Variants in DOCK9 observed in about 807,000 individuals in gnomAD.
DOCK9 encodes dedicator of cytokinesis protein 9.
A neutral mutation model predicts 263.3 loss-of-function variants in DOCK9; 89 were observed. The ratio of observed to expected loss-of-function variants is 0.34; its 90% CI spans 0.28 to 0.40. The LOEUF is 0.40. Ranked by LOEUF, DOCK9 falls within the 10% of genes least tolerant of loss-of-function variation. The pLI is 1.00. For missense variants in DOCK9, 2,140 were observed against 2,603.4 expected, an observed-to-expected ratio of 0.82 and a Z score of 3.87; for synonymous variants, 976 against 973.1, an observed-to-expected ratio of 1.00 and a Z score of -0.06.
chr13:98,831,762 G>A lies in DOCK9; in HGVS notation c.4339C>T (p.His1447Tyr), dbSNP rs754431933. The A allele has an allele frequency of 3.1e-6, 5 of 1,613,988 alleles. No homozygotes were observed. In the East Asian group the frequency reaches 8.9e-5, roughly 29 times the overall value. ...FKNQLLADHG[H>Y]NPLMKKVFDV... ...AAAACTTTTTTCATGAGAGGATTAT[G>A]TCCATGGTCGGCCAGGAGCTGGTTC... The change falls in exon 40 of 53, where the codon CAT (histidine) becomes TAT (tyrosine). Residue 1447 changes from histidine (H) to tyrosine (Y), a missense_variant. His to Tyr is a moderately conservative substitution (Grantham distance 83). Around this residue, in one of 2 missense-constraint regions of DOCK9, gnomAD observed 619 missense variants for 861.8 expected, o/e 0.72. Transcript: ENST00000682017.
intron 15 of DOCK9, among the ~76,000 whole-genome samples, chr13:98,895,271 A>G (rs1435111712): frequency 6.6e-6 from 1 of 152,168 alleles, no homozygotes; most frequent in Non-Finnish European, 1.5e-5. Context: ...ACACTTTCAG[A>G]AAATACTTGA....
rs142464481 is a variant in DOCK9 at position 99,075,355 on chromosome 13, C to CTTTT, written c.129+10864_129+10867dup. ...TGTTGTTCAAAGGTCAGCTGTAGTA[C>CTTTT]TTTTTTTTTTTTTTTTTTTGAGACA... On this transcript the variant is annotated intron_variant, in intron 1 of 32. Transcript: ENST00000427887. 1.8e-3 allele frequency among the ~76,000 whole-genome samples: 220 copies of CTTTT among 121,964 alleles called. 6 individuals are homozygous for CTTTT. Among genetic ancestry groups the CTTTT allele is most frequent in the East Asian group, 0.015 (60 of 4,104 alleles). 80.0% of individuals were successfully genotyped at this position (121,964 alleles called of 152,430 possible).
chr13:98,853,639 G>A (rs187093471), intron 34 of DOCK9, 117 bp from the exon 35 acceptor site: 1 of 751,468 alleles, frequency 1.3e-6, no homozygotes, highest in African/African-American at 1.8e-5. Flanking sequence ...ACATTGGAAG[G>A]TGCAAGTAAC....
intron 1 of DOCK9, among the ~76,000 whole-genome samples, chr13:99,060,635 G>T (rs2041146863): frequency 6.6e-6 from 1 of 152,266 alleles, no homozygotes; most frequent in South Asian, 2.1e-4. Flanking sequence ...AACAATAACA[G>T]ACATGGTATC....
chr13:99,033,438 T>C (rs1290825719), intron 1 of DOCK9, among the ~76,000 whole-genome samples: 5 of 152,234 alleles, frequency 3.3e-5, no homozygotes, highest in Admixed American at 1.3e-4. Flanking sequence ...TGAGCGGGAA[T>C]GCCCGTGGGT....
chr13:98,797,684 A>G (rs2089599757), intron 50 of DOCK9, among the ~76,000 whole-genome samples, 195 bp from the exon 51 acceptor site: 1 of 152,236 alleles, frequency 6.6e-6, no homozygotes, highest in Admixed American at 6.5e-5. Flanking sequence ...GATCTCAGCC[A>G]TCTTCAGGGC....
intron 1 of DOCK9, among the ~76,000 whole-genome samples, chr13:99,024,311 A>G (rs1379649150): frequency 6.6e-6 from 1 of 152,244 alleles, no homozygotes; most frequent in African/African-American, 2.4e-5. Flanking sequence ...TCAATGGCAT[A>G]ATGAAGTCAG....
chr13:98,917,695 G>GTTTGC, intron 7 of DOCK9, among the ~76,000 whole-genome samples: 1 of 124,470 alleles, frequency 8.0e-6, no homozygotes, highest in Non-Finnish European at 1.7e-5. Flanking sequence ...TATTTTGTTT[G>GTTTGC]TTTGCTTTTT....
At chr13:98,799,235 T>C (rs2089816365) in intron 50 of DOCK9, among the ~76,000 whole-genome samples, 1 of 152,206 alleles carries the variant, frequency 6.6e-6, no homozygotes, top group Admixed American at 6.5e-5. Flanking sequence ...AAAATATAAT[T>C]TCAGAAAATG....
chr13:99,042,036 C>T (rs1888509372), intron 1 of DOCK9, among the ~76,000 whole-genome samples: 1 of 152,154 alleles, frequency 6.6e-6, no homozygotes, highest in Non-Finnish European at 1.5e-5. Flanking sequence ...TAATTTGTTA[C>T]GGCAACCCTA....
At position 98,794,354 on chromosome 13, in the gene DOCK9, T is replaced by A; in HGVS notation, c.*272A>T. 2.2e-6 allele frequency: 1 copy of A among 449,268 alleles called. No individual in the cohort carries two copies. Among genetic ancestry groups the A allele is most frequent in the Non-Finnish European group, 3.9e-6 (1 of 256,830 alleles). 27.8% of individuals were successfully genotyped at this position (449,268 alleles called of 1,614,324 possible). ...TCTAACACTACTCTGCAAGGAAGAA[T>A]AAAATCTAAGTCCAGCTCAAGAGTG... On this transcript the variant is annotated 3_prime_UTR_variant, in exon 53 of 53. Transcript: ENST00000682017.
At chr13:98,821,238 T>C (rs1357364800) in intron 45 of DOCK9, among the ~76,000 whole-genome samples, 1 of 152,080 alleles carries the variant, frequency 6.6e-6, no homozygotes, top group African/African-American at 2.4e-5. Context: ...TGGCCAAGGA[T>C]AGGCCCCAGT....
At chr13:98,950,344 A>T (rs1270139604) in intron 2 of DOCK9, 3 of 901,992 alleles carry the variant, frequency 3.3e-6, no homozygotes, top group Non-Finnish European at 5.2e-6. Context: ...CTTCTTTGCT[A>T]AAAGTGCCTG....
chr13:99,078,102 C>T (rs2041983286), intron 1 of DOCK9, among the ~76,000 whole-genome samples: 1 of 152,056 alleles, frequency 6.6e-6, no homozygotes, highest in African/African-American at 2.4e-5. Flanking sequence ...TGAAAAGTGG[C>T]AATTTATGTT....
In DOCK9 at chr13:98,863,102, G is replaced by A. The variant is rs1350145677; in HGVS notation, c.3496C>T (p.Leu1166=). 6.2e-7 allele frequency: 1 copy of A among 1,609,980 alleles called. No individual in the cohort carries two copies. The highest frequency in any genetic ancestry group is 8.5e-7 in the Non-Finnish European group (1 of 1,178,252). The stretch of plus-strand genomic sequence containing the variant: ...TCAATCAGCAGACCAAACAGAGGCA[G>A]GTAGAGGGTGGCTATCCTTGCCTGA... ...SHQARIATLY[L]PLFGLLIENV... is the part of the protein sequence containing the mutation. Residue 1166 remains leucine (L), a synonymous_variant, in exon 32 of 53, where the codon CTG becomes TTG. Coordinates refer to ENST00000682017, the MANE Select transcript of DOCK9 (RefSeq NM_001366683.2).
chr13:98,870,856 T>A (rs1290510708), intron 27 of DOCK9, among the ~76,000 whole-genome samples: 2 of 151,026 alleles, frequency 1.3e-5, no homozygotes, highest in Non-Finnish European at 2.9e-5. Context: ...TGTGGGGAAT[T>A]CTGCTGGACA....
At chr13:98,871,651 G>A (rs1250242958) in intron 27 of DOCK9, 1 of 152,212 alleles carries the variant, frequency 6.6e-6, no homozygotes, top group Non-Finnish European at 1.5e-5. Context: ...CCTGATAGAG[G>A]CTTGGAGAAG....
intron 49 of DOCK9, among the ~76,000 whole-genome samples, chr13:98,803,820 C>T (rs1383583099): frequency 6.6e-6 from 1 of 152,184 alleles, no homozygotes; most frequent in Non-Finnish European, 1.5e-5. Context: ...ATTTTACAAG[C>T]AGGATTAGGG....
At chr13:98,877,822 A>T (rs889180947) in intron 27 of DOCK9, among the ~76,000 whole-genome samples, 1 of 152,218 alleles carries the variant, frequency 6.6e-6, no homozygotes, top group Non-Finnish European at 1.5e-5. Context: ...TAGGGGCTCA[A>T]TGAATAGTTG....
Sources: gnomAD v4.1 joint callset for allele counts (sites outside exome capture counted in the v4.1 genomes callset) on GRCh38, gnomAD v4.1.1 for gene constraint, gnomAD v4.1.1 regional missense constraint, MANE v1.5 for transcripts, NCBI Gene and HGNC (gene_info 2026-07-23, HGNC 2026-07-21) for gene names.